Variants in LIPK observed in about 807,000 individuals in gnomAD.
LIPK encodes the protein lipase member K.
A neutral mutation model predicts 48.6 loss-of-function variants in LIPK; 32 were observed. The observed-to-expected ratio is 0.66, with a 90% CI of 0.50 to 0.88. The LOEUF is 0.88. Ranked by LOEUF, LIPK falls within the 40% of genes least tolerant of loss-of-function variation. The pLI is 0.00. For synonymous variants in LIPK, 164 were observed against 157.4 expected (o/e 1.04, Z -0.32); for missense variants, 507 against 478.5 (o/e 1.06, Z -0.56).
At chr10:88,728,511 C>G in intron 3 of LIPK, 1 of 272,456 alleles carries the variant, frequency 3.7e-6, no homozygotes, top group South Asian at 3.8e-5. Context: ...CCATTAAGGA[C>G]TCAACGCTGA....
chr10:88,737,610 G>T, intron 6 of LIPK, 25 bp from the exon 7 acceptor site: 5 of 1,610,924 alleles, frequency 3.1e-6, no homozygotes, highest in Non-Finnish European at 4.2e-6. Context: ...TGTAAGATTT[G>T]ATGGTGTTTT....
chr10:88,729,258 G>GGGT (rs1554955649), intron 3 of LIPK, among the ~76,000 whole-genome samples: 2 of 110,178 alleles, frequency 1.8e-5, no homozygotes, highest in East Asian at 3.5e-4. Context: ...CTGTTGGGGG[G>GGGT]GGGGGGCGGG....
chr10:88,709,708 T>C (rs1413945216), intron 1 of LIPK, among the ~76,000 whole-genome samples: 1 of 152,140 alleles, frequency 6.6e-6, no homozygotes, highest in Non-Finnish European at 1.5e-5. Context: ...GGACTGCTAT[T>C]TTATTAAGGT....
intron 9 of LIPK, 145 bp downstream of exon 9, chr10:88,743,466 C>A: frequency 1.8e-6 from 1 of 565,870 alleles, no homozygotes; most frequent in South Asian, 2.5e-5. Flanking sequence ...TGGGTTCTTG[C>A]CATATGCCAT....
intron 3 of LIPK, chr10:88,728,058 G>C: frequency 2.9e-6 from 1 of 342,032 alleles, no homozygotes; most frequent in South Asian, 2.8e-5. Flanking sequence ...GTAAGTACCA[G>C]GATGAGATCA....
At chr10:88,741,965 A>G (rs1013364856) in intron 8 of LIPK, among the ~76,000 whole-genome samples, 5 of 152,210 alleles carry the variant, frequency 3.3e-5, no homozygotes, top group Non-Finnish European at 7.3e-5. Flanking sequence ...CACAGGCTGT[A>G]CAGGAAGCAT....
At chr10:88,747,615 C>T (rs1842787430) in intron 9 of LIPK, among the ~76,000 whole-genome samples, 1 of 151,944 alleles carries the variant, frequency 6.6e-6, no homozygotes. Context: ...AAGAAACTTA[C>T]CTCAAAATAA....
intron 3 of LIPK, chr10:88,728,668 C>T: frequency 2.1e-6 from 1 of 475,684 alleles, no homozygotes; most frequent in Non-Finnish European, 4.2e-6. Context: ...GAGGAGAGCC[C>T]GCTGGAGTCT....
At chr10:88,744,122 T>C (rs2134781041) in intron 9 of LIPK, among the ~76,000 whole-genome samples, 1 of 151,990 alleles carries the variant, frequency 6.6e-6, no homozygotes, top group African/African-American at 2.4e-5. Context: ...GCCAGTGTAA[T>C]CTGAGCACAT....
At chr10:88,709,477 C>T (rs986568426) in intron 1 of LIPK, among the ~76,000 whole-genome samples, 2 of 151,496 alleles carry the variant, frequency 1.3e-5, no homozygotes, top group African/African-American at 4.9e-5. Flanking sequence ...ATGTTCCCCT[C>T]CCTGTGTTCT....
intron 1 of LIPK, among the ~76,000 whole-genome samples, chr10:88,713,215 C>T (rs1293437813): frequency 6.6e-6 from 1 of 152,146 alleles, no homozygotes; most frequent in East Asian, 1.9e-4. Context: ...GTACAACAAA[C>T]CAACAAAAAG....
intron 3 of LIPK, chr10:88,728,019 C>T: frequency 5.4e-6 from 2 of 368,722 alleles, no homozygotes; most frequent in Admixed American, 5.4e-5. Context: ...AGCTTGACAA[C>T]ATGCAGGGGC....
chr10:88,735,081 T>C (rs1244800442), intron 6 of LIPK, among the ~76,000 whole-genome samples: 1 of 152,212 alleles, frequency 6.6e-6, no homozygotes, highest in African/African-American at 2.4e-5. Context: ...GTATAAAGCA[T>C]AAAGACTTAA....
chr10:88,708,259 A>T (rs1841970193), intron 1 of LIPK, among the ~76,000 whole-genome samples: 1 of 152,120 alleles, frequency 6.6e-6, no homozygotes, highest in Non-Finnish European at 1.5e-5. Flanking sequence ...AAATGTCATA[A>T]CCTTTGCTAT....
chr10:88,743,446 G>A, intron 9 of LIPK, 125 bp downstream of exon 9: 1 of 641,150 alleles, frequency 1.6e-6, no homozygotes, highest in Non-Finnish European at 2.7e-6. Flanking sequence ...TGTTCTCACA[G>A]GCTGCTTATT....
At position 88,732,450 on chromosome 10, in the gene LIPK, A is replaced by G. The variant is rs1401982329; in HGVS notation, c.568A>G (p.Lys190Glu). 1 of 1,613,502 alleles carries G rather than the reference A, an allele frequency of 6.2e-7. No homozygotes were observed. The highest frequency in any genetic ancestry group is 2.2e-5 in the East Asian group (1 of 44,894). The part of the protein sequence containing the change: ...IAFSTNPELA[K>E]KIKIFFALAP... Reference sequence around the variant, plus strand: ...ATTTTCTACAAACCCAGAACTGGCTAAAAAGATTAAGATATTTTTTGCACT... The same window carrying G: ...ATTTTCTACAAACCCAGAACTGGCTGAAAAGATTAAGATATTTTTTGCACT... The change falls in exon 6 of 10, where the codon AAA becomes GAA. Residue 190 changes from lysine (K) to glutamate (E), a missense_variant. Transcript: ENST00000404190.
rs762625179 is a variant in LIPK, at chr10:88,731,163, C to G, written c.404C>G (p.Pro135Arg). 6.3e-7 allele frequency: 1 copy of G among 1,577,026 alleles called. No individual in the cohort carries two copies. Among genetic ancestry groups the G allele is most frequent in the Non-Finnish European group, 8.6e-7 (1 of 1,164,300 alleles). The change falls in exon 4 of 10, where the codon CCG (proline) becomes CGG (arginine). Residue 135 changes from proline (P) to arginine (R), a missense_variant. Transcript: ENST00000404190. ...CACCTTAAATTGTCACCGAAATCACCGGAATACTGGGCCTTCAGGTAAAGA... is the reference window on the plus strand; with the variant it reads ...CACCTTAAATTGTCACCGAAATCACGGGAATACTGGGCCTTCAGGTAAAGA... The part of the protein sequence containing the change: ...RKHLKLSPKS[P>R]EYWAFSLDEM...
intron 4 of LIPK, 92 bp from the exon 5 acceptor site, chr10:88,732,086 C>A: frequency 1.3e-6 from 1 of 792,442 alleles, no homozygotes; most frequent in Non-Finnish European, 2.0e-6. Flanking sequence ...TTAACAAAAT[C>A]AAAGTATTTA....
intron 2 of LIPK, among the ~76,000 whole-genome samples, chr10:88,725,887 G>A (rs538286422): frequency 6.6e-6 from 1 of 152,280 alleles, no homozygotes; most frequent in Admixed American, 6.5e-5. Context: ...AGGTCAACAA[G>A]CTCCCTTGAC....
Sources: allele counts gnomAD v4.1 joint callset (sites outside exome capture counted in the v4.1 genomes callset), GRCh38; gene constraint gnomAD v4.1.1; transcripts MANE v1.5; gene names NCBI Gene and HGNC (gene_info 2026-07-23, HGNC 2026-07-21).